Variants in PRKACB observed in about 807,000 individuals in gnomAD.
PRKACB encodes cAMP-dependent protein kinase catalytic subunit beta.
Under a neutral mutation model 51.4 loss-of-function variants are expected in PRKACB, and 16 were observed. The ratio of observed to expected loss-of-function variants is 0.31; its 90% CI spans 0.21 to 0.47. The LOEUF (loss-of-function observed/expected upper bound fraction) is 0.47, where lower values mean the gene tolerates loss of function less well. Among genes scored for constraint, PRKACB ranks in the 20% least tolerant of loss-of-function variants. The probability of loss-of-function intolerance (pLI) is 1.00; values close to 1 mark genes in which losing one functional copy is unlikely to be tolerated. For synonymous variants in PRKACB, 147 were observed against 154.4 expected, an observed-to-expected ratio of 0.95 and a Z score of 0.35; for missense variants, 309 against 464.5, an observed-to-expected ratio of 0.67 and a Z score of 3.08.
intron 1 of PRKACB, chr1:84,164,409 C>T: frequency 6.3e-7 from 1 of 1,575,364 alleles, no homozygotes; most frequent in East Asian, 2.3e-5. Flanking sequence ...TTGCCAGGTT[C>T]AACATGGGAT....
At chr1:84,134,018 C>T (rs190696930) in intron 1 of PRKACB, among the ~76,000 whole-genome samples, 18 of 152,290 alleles carry the variant, frequency 1.2e-4, no homozygotes, top group Admixed American at 1.2e-3. Flanking sequence ...GGAAGTGGCT[C>T]TCAGCGGGAA....
chr1:84,234,592 C>T (rs1676407248), intron 9 of PRKACB, among the ~76,000 whole-genome samples: 1 of 152,242 alleles, frequency 6.6e-6, no homozygotes, highest in Admixed American at 6.5e-5. Flanking sequence ...TCCCTCCAAG[C>T]CAGGTGCAGG....
intron 1 of PRKACB, among the ~76,000 whole-genome samples, chr1:84,167,261 A>T (rs1657808260): frequency 6.6e-6 from 1 of 151,562 alleles, no homozygotes; most frequent in Non-Finnish European, 1.5e-5. Flanking sequence ...TTAAACTAAC[A>T]TGAAAACTTT....
chr1:84,095,408 A>G (rs1407674119), intron 1 of PRKACB, among the ~76,000 whole-genome samples: 2 of 151,942 alleles, frequency 1.3e-5, no homozygotes, highest in African/African-American at 2.4e-5. Context: ...GATATATTTT[A>G]TAAGTATGGA....
intron 1 of PRKACB, chr1:84,178,742 CT>C (rs1662176408): frequency 6.5e-6 from 1 of 153,064 alleles, no homozygotes; most frequent in African/African-American, 2.4e-5. Flanking sequence ...GAAAACAGCT[CT>C]TTATCAAGAT....
chr1:84,230,314 C>T (rs1675406628), intron 9 of PRKACB, among the ~76,000 whole-genome samples: 1 of 152,156 alleles, frequency 6.6e-6, no homozygotes, highest in South Asian at 2.1e-4. Context: ...GTACCAGTAA[C>T]ATGCTGTGTT....
intron 1 of PRKACB, among the ~76,000 whole-genome samples, chr1:84,125,744 T>C (rs1651529193): frequency 6.6e-6 from 1 of 152,106 alleles, no homozygotes; most frequent in Non-Finnish European, 1.5e-5. Context: ...ATGCATATGA[T>C]TAAAATAAAA....
At chr1:84,137,556 G>T (rs535001674) in intron 1 of PRKACB, among the ~76,000 whole-genome samples, 43 of 152,268 alleles carry the variant, frequency 2.8e-4, no homozygotes, top group African/African-American at 9.9e-4. Context: ...GAATGCAGGA[G>T]GTGAAAAAAT....
At chr1:84,186,721 C>G (rs1056032397) in intron 5 of PRKACB, among the ~76,000 whole-genome samples, 2 of 152,114 alleles carry the variant, frequency 1.3e-5, no homozygotes, top group Non-Finnish European at 2.9e-5. Flanking sequence ...CTCGGATGGA[C>G]TTGTTCTGGT....
intron 1 of PRKACB, among the ~76,000 whole-genome samples, chr1:84,154,607 T>G (rs1035974839): frequency 1.3e-5 from 2 of 152,078 alleles, no homozygotes; most frequent in African/African-American, 4.8e-5. Flanking sequence ...ACAAGGATAC[T>G]GCAAAAGAAA....
intron 1 of PRKACB, among the ~76,000 whole-genome samples, chr1:84,115,408 A>G (rs1009382520): frequency 3.3e-5 from 5 of 151,818 alleles, no homozygotes; most frequent in Admixed American, 6.6e-5. Flanking sequence ...AGTTTCTTGT[A>G]TATGCTGGAT....
chr1:84,122,910 A>G (rs1369396305), intron 1 of PRKACB, among the ~76,000 whole-genome samples: 2 of 152,140 alleles, frequency 1.3e-5, no homozygotes, highest in Non-Finnish European at 2.9e-5. Context: ...TGTTTATCTT[A>G]TATTGCTAAA....
At chr1:84,111,110 A>G (rs1557948731) in intron 1 of PRKACB, among the ~76,000 whole-genome samples, 1 of 152,050 alleles carries the variant, frequency 6.6e-6, no homozygotes, top group Non-Finnish European at 1.5e-5. Context: ...GCTTAAAATT[A>G]TCTTTATGGT....
chr1:84,169,142 G>A (rs1658529660), intron 1 of PRKACB, among the ~76,000 whole-genome samples: 3 of 151,620 alleles, frequency 2.0e-5, no homozygotes, highest in Admixed American at 1.3e-4. Context: ...AAGCAACAAT[G>A]TGGAACCTAT....
At chr1:84,180,587 A>G (rs1026881101) in intron 2 of PRKACB, among the ~76,000 whole-genome samples, 4 of 152,000 alleles carry the variant, frequency 2.6e-5, no homozygotes, top group African/African-American at 9.7e-5. Context: ...GAAAAATAAA[A>G]GATATTATAA....
intron 1 of PRKACB, among the ~76,000 whole-genome samples, chr1:84,091,920 C>T (rs1022732977): frequency 4.9e-4 from 75 of 152,054 alleles, no homozygotes; most frequent in African/African-American, 1.6e-3. Flanking sequence ...AATGTTTTTT[C>T]GCAGTGATAT....
At chr1:84,078,453 G>A (rs1328611212) in intron 1 of PRKACB, 1 of 1,535,240 alleles carries the variant, frequency 6.5e-7, no homozygotes, top group South Asian at 1.2e-5. Flanking sequence ...AGCTTCTGAG[G>A]CCGCGGGCAC....
intron 1 of PRKACB, among the ~76,000 whole-genome samples, chr1:84,171,104 TA>T (rs1659320365): frequency 6.6e-6 from 1 of 151,568 alleles, no homozygotes; most frequent in Non-Finnish European, 1.5e-5. Flanking sequence ...TTAAACATTT[TA>T]AATAACTTAC....
At chr1:84,105,374 G>A (rs1179493230) in intron 1 of PRKACB, among the ~76,000 whole-genome samples, 1 of 151,782 alleles carries the variant, frequency 6.6e-6, no homozygotes, top group African/African-American at 2.4e-5. Flanking sequence ...GAGGCACCAC[G>A]ACTTTTGACC....
Sources: gnomAD v4.1 joint callset for allele counts (sites outside exome capture counted in the v4.1 genomes callset) on GRCh38, gnomAD v4.1.1 for gene constraint, MANE v1.5 for transcripts, NCBI Gene and HGNC (gene_info 2026-07-23, HGNC 2026-07-21) for gene names.